Variants in DOCK2 observed in about 807,000 individuals in gnomAD.
DOCK2 encodes the protein dedicator of cytokinesis 2.
DOCK2 carries 87 observed loss-of-function variants against 248.9 expected under a neutral mutation model. The ratio of observed to expected loss-of-function variants is 0.35; its 90% CI spans 0.29 to 0.42. DOCK2 has a LOEUF of 0.42. Ranked by LOEUF, DOCK2 falls within the 10% of genes least tolerant of loss-of-function variation. The pLI, the probability that DOCK2 is intolerant of heterozygous loss-of-function variation, is 1.00. For missense variants in DOCK2, 1,747 were observed against 2,300.2 expected (o/e 0.76, Z 4.92); for synonymous variants, 805 against 821.6 (o/e 0.98, Z 0.35).
intron 27 of DOCK2, among the ~76,000 whole-genome samples, chr5:169,863,598 C>A (rs1771343377): frequency 6.6e-6 from 1 of 152,240 alleles, no homozygotes. Flanking sequence ...AGCACAGCCA[C>A]ACCAACAAGT....
intron 27 of DOCK2, among the ~76,000 whole-genome samples, chr5:169,925,892 G>A (rs960069718): frequency 6.6e-6 from 1 of 152,156 alleles, no homozygotes; most frequent in African/African-American, 2.4e-5. Flanking sequence ...TGGCAGCTGG[G>A]CCTGTTTTAG....
intron 14 of DOCK2, among the ~76,000 whole-genome samples, chr5:169,704,898 A>T (rs1347386960): frequency 6.6e-6 from 1 of 152,194 alleles, no homozygotes; most frequent in Non-Finnish European, 1.5e-5. Flanking sequence ...ACAGCGGCTC[A>T]CACCTGTAAT....
At chr5:169,773,229 A>G (rs1765194404) in intron 25 of DOCK2, 1 of 152,186 alleles carries the variant, frequency 6.6e-6, no homozygotes, top group Non-Finnish European at 1.5e-5. Context: ...GTGCTGCAGA[A>G]CAAGTCCAAG....
chr5:170,011,812 C>G (rs1755306954), intron 32 of DOCK2, among the ~76,000 whole-genome samples: 1 of 152,210 alleles, frequency 6.6e-6, no homozygotes, highest in Admixed American at 6.5e-5. Flanking sequence ...CCACAGCCCT[C>G]CCCTCTCTTT....
chr5:170,080,823 G>A (rs187239319), intron 50 of DOCK2: 4 of 155,514 alleles, frequency 2.6e-5, no homozygotes, highest in African/African-American at 9.6e-5. Context: ...GGCCCTAACA[G>A]GGGACATGGC....
At chr5:169,894,009 T>C (rs1344838142) in intron 27 of DOCK2, among the ~76,000 whole-genome samples, 1 of 152,220 alleles carries the variant, frequency 6.6e-6, no homozygotes, top group African/African-American at 2.4e-5. Context: ...GGACCTATGC[T>C]CCAGTATAGA....
At chr5:169,743,713 C>T (rs1763452986) in intron 22 of DOCK2, among the ~76,000 whole-genome samples, 1 of 151,682 alleles carries the variant, frequency 6.6e-6, no homozygotes, top group Admixed American at 6.6e-5. Flanking sequence ...ATAGATTTTT[C>T]TTTCCTTTCT....
intron 27 of DOCK2, among the ~76,000 whole-genome samples, chr5:169,905,725 G>A (rs261046): frequency 0.34 from 51,077 of 152,010 alleles, 9,245 homozygotes; most frequent in East Asian, 0.53. Flanking sequence ...AAATGGCAGC[G>A]TCTGCACCCA....
rs554440310 is a variant in DOCK2 at position 169,869,615 on chromosome 5, G to A, written c.2799+28763G>A. Among the ~76,000 whole-genome samples the A allele has an allele frequency of 2.6e-5, 4 of 152,298 alleles. No homozygotes were observed. In the East Asian group the frequency reaches 7.7e-4, roughly 29 times the overall value. ...CATCTGCTTTTTATCTTGAGGCTGG[G>A]TAGAAAAGAGAAGATGCATTTCTAC... On this transcript the variant is annotated intron_variant, in intron 27 of 51. Coordinates refer to ENST00000520908, the MANE Select transcript of DOCK2 (RefSeq NM_004946.3).
intron 22 of DOCK2, among the ~76,000 whole-genome samples, chr5:169,720,465 T>TCTTC (rs1164979460): frequency 3.3e-5 from 5 of 151,910 alleles, no homozygotes; most frequent in Non-Finnish European, 7.4e-5. Context: ...TCCCTCCCTT[T>TCTTC]CTTCCTTCCT....
intron 51 of DOCK2, among the ~76,000 whole-genome samples, chr5:170,082,193 A>T (rs1218885767): frequency 6.6e-6 from 1 of 152,082 alleles, no homozygotes; most frequent in African/African-American, 2.4e-5. Context: ...TCTGACCAGG[A>T]TTGACCCCAG....
chr5:169,835,798 G>A (rs1769539643), intron 26 of DOCK2, among the ~76,000 whole-genome samples: 2 of 151,672 alleles, frequency 1.3e-5, no homozygotes, highest in East Asian at 1.9e-4. Context: ...CTCACTCCCT[G>A]TTGCCCAGGC....
intron 27 of DOCK2, among the ~76,000 whole-genome samples, chr5:169,864,099 G>A (rs1262318513): frequency 3.3e-5 from 5 of 152,204 alleles, no homozygotes; most frequent in Non-Finnish European, 5.9e-5. Context: ...GGTAAGGATC[G>A]TGGTCAGGTG....
chr5:169,893,867 T>C (rs1031328943), intron 27 of DOCK2, among the ~76,000 whole-genome samples: 27 of 152,144 alleles, frequency 1.8e-4, no homozygotes, highest in African/African-American at 6.3e-4. Flanking sequence ...GGCAGGAAAA[T>C]CGTTTTCCAT....
chr5:169,804,508 A>G (rs550674822), intron 26 of DOCK2, among the ~76,000 whole-genome samples: 82 of 143,172 alleles, frequency 5.7e-4, no homozygotes, highest in African/African-American at 1.8e-3. Flanking sequence ...GCGCGTAAGC[A>G]TTTTTGTCAA....
At chr5:169,925,532 A>G (rs1446407391) in intron 27 of DOCK2, among the ~76,000 whole-genome samples, 3 of 146,618 alleles carry the variant, frequency 2.0e-5, no homozygotes, top group Non-Finnish European at 3.0e-5. Flanking sequence ...ATGAGCTAAG[A>G]TCAGGCCACT....
At chr5:169,777,675 T>C (rs182982434) in intron 25 of DOCK2, among the ~76,000 whole-genome samples, 2 of 152,306 alleles carry the variant, frequency 1.3e-5, no homozygotes, top group Non-Finnish European at 2.9e-5. Context: ...CATCTGATTC[T>C]TCACCTGTGA....
chr5:170,002,430 T>A (rs971907915), intron 30 of DOCK2, among the ~76,000 whole-genome samples: 2 of 152,222 alleles, frequency 1.3e-5, no homozygotes, highest in African/African-American at 2.4e-5. Flanking sequence ...TTAAAAAAGA[T>A]GTCTGTACAT....
intron 25 of DOCK2, among the ~76,000 whole-genome samples, chr5:169,794,143 C>T (rs1040079973): frequency 7.2e-5 from 11 of 152,236 alleles, no homozygotes; most frequent in East Asian, 3.9e-4. Flanking sequence ...CTGGAACCAC[C>T]GAAAGCGCAG....
Sources: gnomAD v4.1 joint callset for allele counts (sites outside exome capture counted in the v4.1 genomes callset) on GRCh38, gnomAD v4.1.1 for gene constraint, MANE v1.5 for transcripts, NCBI Gene and HGNC (gene_info 2026-07-23, HGNC 2026-07-21) for gene names.